RYR2: variants seen among roughly 807,000 people sequenced by gnomAD.
RYR2 encodes the protein ryanodine receptor 2, also known as cardiac muscle ryanodine receptor-calcium release channel.
A neutral mutation model predicts 601.1 loss-of-function variants in RYR2; 227 were observed. That is an observed-to-expected ratio of 0.38 (90% CI 0.34 to 0.42). RYR2 has a LOEUF of 0.42. RYR2 is among the 10% of genes least tolerant of loss of function. The pLI is 1.00. For synonymous variants in RYR2, 2,223 were observed against 2,175.1 expected (o/e 1.02, Z -0.61); for missense variants, 4,646 against 6,156.5 (o/e 0.75, Z 8.21).
chr1:237,631,348 T>G, intron 41 of RYR2, 79 bp from the exon 42 acceptor site: 1 of 862,514 alleles, frequency 1.2e-6, no homozygotes. Flanking sequence ...AAATTATTTC[T>G]AAAAGATTTA....
chr1:237,542,681 G>A (rs1424862050), intron 25 of RYR2, among the ~76,000 whole-genome samples: 1 of 152,176 alleles, frequency 6.6e-6, no homozygotes, highest in Non-Finnish European at 1.5e-5. Context: ...CTCTTTAGGA[G>A]TGCTGGAAAG....
rs1663412696 is a variant in RYR2, at chr1:237,828,537, G to A, written c.14655+92G>A. Reference sequence around the variant, plus strand: ...ATCAATAGAATCATGAATGTGGGAAGGAGGAGGGGGAAGGGCACAACTTGT... The same window carrying A: ...ATCAATAGAATCATGAATGTGGGAAAGAGGAGGGGGAAGGGCACAACTTGT... On this transcript the variant is annotated intron_variant, in intron 102 of 104. Coordinates refer to ENST00000366574, the MANE Select transcript of RYR2 (RefSeq NM_001035.3). The A allele has an allele frequency of 2.3e-5, 19 of 824,016 alleles. No homozygotes were observed. The South Asian group carries it at 2.7e-4, about 12-fold the overall frequency. 51.0% of individuals were successfully genotyped at this position (824,016 alleles called of 1,614,324 possible). A position where few individuals can be genotyped will look rare whatever the true frequency, so the allele number is the denominator to read the frequency against.
chr1:237,388,252 G>A (rs1702105158), intron 10 of RYR2, 69 bp downstream of exon 10: 1 of 1,297,194 alleles, frequency 7.7e-7, no homozygotes, highest in Non-Finnish European at 1.1e-6. Flanking sequence ...TAAAAACTAG[G>A]GATCTATTCA....
At chr1:237,091,223 T>C (rs980554522) in intron 1 of RYR2, among the ~76,000 whole-genome samples, 6 of 152,076 alleles carry the variant, frequency 3.9e-5, no homozygotes, top group African/African-American at 4.8e-5. Flanking sequence ...AGAAACACAA[T>C]TGGCAGCTCT....
chr1:237,713,624 C>T (rs1302892468), intron 71 of RYR2, among the ~76,000 whole-genome samples: 1 of 152,110 alleles, frequency 6.6e-6, no homozygotes, highest in African/African-American at 2.4e-5. Context: ...GTCTCAAACT[C>T]CTGACCTCGT....
intron 4 of RYR2, among the ~76,000 whole-genome samples, chr1:237,360,496 A>G (rs1699687895): frequency 1.3e-5 from 2 of 152,180 alleles, no homozygotes; most frequent in South Asian, 2.1e-4. Flanking sequence ...TTACCCTTCT[A>G]AAGAAGAACT....
chr1:237,387,871 A>G (rs780824870), intron 9 of RYR2, among the ~76,000 whole-genome samples: 4 of 152,224 alleles, frequency 2.6e-5, no homozygotes, highest in African/African-American at 4.8e-5. Context: ...GTCTGAGGTC[A>G]TGCTTTTAGT....
chr1:237,598,469 A>G (rs1256990576), intron 34 of RYR2, among the ~76,000 whole-genome samples: 1 of 152,244 alleles, frequency 6.6e-6, no homozygotes, highest in African/African-American at 2.4e-5. Flanking sequence ...ATATTTTCTG[A>G]TCACACTAGT....
At chr1:237,122,986 T>C (rs1670981690) in intron 1 of RYR2, among the ~76,000 whole-genome samples, 1 of 152,240 alleles carries the variant, frequency 6.6e-6, no homozygotes. Context: ...CTTGAAGTTA[T>C]ATAGTTAGCA....
intron 24 of RYR2, among the ~76,000 whole-genome samples, chr1:237,516,763 G>C (rs571147319): frequency 7.8e-4 from 118 of 152,182 alleles, no homozygotes; most frequent in African/African-American, 2.8e-3. Flanking sequence ...AATCACCTTT[G>C]ACTCTTCCCT....
chr1:237,140,642 G>A (rs1673291418), intron 1 of RYR2, among the ~76,000 whole-genome samples: 1 of 152,206 alleles, frequency 6.6e-6, no homozygotes, highest in South Asian at 2.1e-4. Flanking sequence ...GGCACTCCTA[G>A]TTGGTGGAGT....
intron 24 of RYR2, among the ~76,000 whole-genome samples, chr1:237,512,036 T>C (rs1665969843): frequency 6.6e-6 from 1 of 152,242 alleles, no homozygotes; most frequent in South Asian, 2.1e-4. Flanking sequence ...TACAGGTGTA[T>C]ATGGGTATTA....
chr1:237,395,217 T>A (rs1420026499), intron 10 of RYR2, among the ~76,000 whole-genome samples: 1 of 152,166 alleles, frequency 6.6e-6, no homozygotes, highest in African/African-American at 2.4e-5. Context: ...CATTTATAAT[T>A]TTGGTAAAAC....
intron 13 of RYR2, 54 bp from the exon 14 acceptor site, chr1:237,445,347 C>G: frequency 6.2e-7 from 1 of 1,607,098 alleles, no homozygotes; most frequent in South Asian, 1.1e-5. Context: ...CTCCCTAACT[C>G]TAGTTTGGAA....
intron 25 of RYR2, among the ~76,000 whole-genome samples, chr1:237,535,010 A>T (rs1345828246): frequency 2.0e-5 from 3 of 151,948 alleles, no homozygotes; most frequent in Non-Finnish European, 4.4e-5. Context: ...GGCAAGTTCA[A>T]TATATAATAC....
chr1:237,175,383 G>A (rs1431107370), intron 1 of RYR2, among the ~76,000 whole-genome samples: 1 of 152,042 alleles, frequency 6.6e-6, no homozygotes, highest in Non-Finnish European at 1.5e-5. Context: ...CCAGTCTTCT[G>A]GAAGTGTTTC....
intron 3 of RYR2, among the ~76,000 whole-genome samples, chr1:237,348,452 G>A (rs563937311): frequency 1.3e-5 from 2 of 152,284 alleles, no homozygotes; most frequent in South Asian, 4.1e-4. Flanking sequence ...TTGCTAAGGA[G>A]GAGGGGTTTT....
At chr1:237,546,648 T>A (rs1434541725) in intron 25 of RYR2, among the ~76,000 whole-genome samples, 1 of 152,100 alleles carries the variant, frequency 6.6e-6, no homozygotes, top group Admixed American at 6.6e-5. Flanking sequence ...CCCAAAGTGC[T>A]GGGATTATAG....
chr1:237,426,108 G>A (rs1706123296), intron 12 of RYR2, among the ~76,000 whole-genome samples: 1 of 151,734 alleles, frequency 6.6e-6, no homozygotes, highest in African/African-American at 2.4e-5. Context: ...TAAGGTGTGG[G>A]GAGACCAGAA....
Sources: allele counts gnomAD v4.1 joint callset (sites outside exome capture counted in the v4.1 genomes callset), GRCh38; gene constraint gnomAD v4.1.1; transcripts MANE v1.5; gene names NCBI Gene and HGNC (gene_info 2026-07-23, HGNC 2026-07-21).